Variants in DKK2 observed in about 807,000 individuals in gnomAD.
DKK2 encodes dickkopf Wnt signaling pathway inhibitor 2.
In DKK2, 11 loss-of-function variants were observed where a neutral mutation model predicts 28.1. That is an observed-to-expected ratio of 0.39 (90% CI 0.25 to 0.65). DKK2 has a LOEUF of 0.65. Among genes scored for constraint, DKK2 ranks in the 30% least tolerant of loss-of-function variants. The pLI is 0.47. For missense variants in DKK2, 326 were observed against 335.5 expected (o/e 0.97, Z 0.22); for synonymous variants, 135 against 126.5 (o/e 1.07, Z -0.45).
At chr4:106,978,785 T>C (rs1477193749) in intron 1 of DKK2, among the ~76,000 whole-genome samples, 1 of 147,624 alleles carries the variant, frequency 6.8e-6, no homozygotes, top group East Asian at 2.1e-4. Context: ...GCCACTGGGG[T>C]ATGATAAAAA....
intron 1 of DKK2, among the ~76,000 whole-genome samples, chr4:106,973,891 C>A (rs1331721182): frequency 2.6e-5 from 4 of 152,140 alleles, no homozygotes; most frequent in Non-Finnish European, 4.4e-5. Context: ...ACTCTTTAAT[C>A]CATCTTGAGT....
intron 1 of DKK2, among the ~76,000 whole-genome samples, chr4:107,026,504 C>T (rs1406403136): frequency 6.6e-6 from 1 of 151,940 alleles, no homozygotes; most frequent in Non-Finnish European, 1.5e-5. Flanking sequence ...TTTAACAAGT[C>T]TATCACAGAG....
At chr4:106,942,571 G>A (rs1724716180) in intron 1 of DKK2, among the ~76,000 whole-genome samples, 1 of 152,054 alleles carries the variant, frequency 6.6e-6, no homozygotes, top group Non-Finnish European at 1.5e-5. Context: ...AGTGAGCTGG[G>A]GAGGGAGAGT....
intron 1 of DKK2, among the ~76,000 whole-genome samples, chr4:106,956,983 A>C (rs1722603753): frequency 6.6e-6 from 1 of 151,830 alleles, no homozygotes; most frequent in African/African-American, 2.4e-5. Flanking sequence ...AAATGGGAGA[A>C]AATTTTCCCA....
intron 1 of DKK2, among the ~76,000 whole-genome samples, chr4:107,025,123 CTG>C (rs1723754537): frequency 6.6e-6 from 1 of 152,128 alleles, no homozygotes; most frequent in African/African-American, 2.4e-5. Context: ...AGAAGGGAAA[CTG>C]AGAGAGGACT....
chr4:106,927,585 C>T (rs748922372), intron 1 of DKK2, among the ~76,000 whole-genome samples: 8 of 152,054 alleles, frequency 5.3e-5, no homozygotes, highest in Non-Finnish European at 1.0e-4. Flanking sequence ...TTTCATTGTT[C>T]CACTCTGTAA....
rs1191811951 is a variant in DKK2 at position 106,981,148 on chromosome 4, A to G, written c.222+54222T>C. On this transcript the variant is annotated intron_variant, in intron 1 of 3. Coordinates refer to ENST00000285311, the MANE Select transcript of DKK2 (RefSeq NM_014421.3). Reference sequence around the variant, plus strand: ...ATTAAATCATTAGAGGTCAACCTATATGGGGGAGAAAAAGGGACTCAGAGT... The same window carrying G: ...ATTAAATCATTAGAGGTCAACCTATGTGGGGGAGAAAAAGGGACTCAGAGT... Among the ~76,000 whole-genome samples the G allele has an allele frequency of 4.6e-5, 7 of 152,098 alleles. No homozygotes were observed. The East Asian group carries it at 1.3e-3, about 29-fold the overall frequency.
At chr4:106,963,386 A>G (rs1722721986) in intron 1 of DKK2, among the ~76,000 whole-genome samples, 1 of 152,058 alleles carries the variant, frequency 6.6e-6, no homozygotes, top group Admixed American at 6.6e-5. Flanking sequence ...CTTAATACAC[A>G]TTTCTCAAAA....
intron 1 of DKK2, among the ~76,000 whole-genome samples, chr4:106,962,825 TAGAATAGGATAAAATATTAGC>T (rs1330658795): frequency 1.3e-5 from 2 of 151,734 alleles, no homozygotes. Flanking sequence ...AGATAACACG[TAGAATAGGATAAAATATTAGC>T]AAACTGCACC....
At chr4:107,024,451 A>G (rs1047022760) in intron 1 of DKK2, among the ~76,000 whole-genome samples, 1 of 152,184 alleles carries the variant, frequency 6.6e-6, no homozygotes, top group Non-Finnish European at 1.5e-5. Flanking sequence ...AAACAAATAG[A>G]CAAAAGGAAA....
At chr4:107,033,729 G>A (rs1355375653) in intron 1 of DKK2, among the ~76,000 whole-genome samples, 1 of 152,106 alleles carries the variant, frequency 6.6e-6, no homozygotes, top group Non-Finnish European at 1.5e-5. Context: ...CTGGGAACAT[G>A]AAATTTGAAG....
chr4:106,951,931 T>G (rs909183600), intron 1 of DKK2, among the ~76,000 whole-genome samples: 44 of 152,320 alleles, frequency 2.9e-4, no homozygotes, highest in African/African-American at 1.0e-3. Context: ...GTCAATTTGC[T>G]TATTTTGTTA....
intron 1 of DKK2, among the ~76,000 whole-genome samples, chr4:106,940,888 C>T (rs1200482203): frequency 6.6e-6 from 1 of 151,896 alleles, no homozygotes; most frequent in Non-Finnish European, 1.5e-5. Flanking sequence ...TATTCTCACT[C>T]ATAGGTGGGA....
At chr4:106,950,367 T>C (rs1293751695) in intron 1 of DKK2, among the ~76,000 whole-genome samples, 1 of 152,138 alleles carries the variant, frequency 6.6e-6, no homozygotes, top group East Asian at 1.9e-4. Flanking sequence ...AATGTGTGCA[T>C]TGCTGCCACT....
intron 2 of DKK2, among the ~76,000 whole-genome samples, chr4:106,924,909 C>G (rs1724404662): frequency 6.6e-6 from 1 of 152,096 alleles, no homozygotes; most frequent in Admixed American, 6.6e-5. Flanking sequence ...TTGTCTCTCT[C>G]AAGACCAAGT....
At chr4:106,970,103 T>G (rs1380541811) in intron 1 of DKK2, among the ~76,000 whole-genome samples, 1 of 152,170 alleles carries the variant, frequency 6.6e-6, no homozygotes, top group African/African-American at 2.4e-5. Flanking sequence ...TTCTACCACT[T>G]ATGAGATGCG....
At position 106,940,515 on chromosome 4, in the gene DKK2, C is replaced by A. The variant is rs846232; in HGVS notation, c.223-14566G>T. 6.5e-4 allele frequency among the ~76,000 whole-genome samples: 97 copies of A among 148,670 alleles called. 2 individuals are homozygous for A. In the East Asian group the frequency reaches 0.018, roughly 28 times the overall value. ...AACACTTTTACACTGTTAGTGGGAC[C>A]GTAAACTAGTTCAACCATTGTGGAA... On this transcript the variant is annotated intron_variant, in intron 1 of 3. Transcript: ENST00000285311.
At chr4:106,934,809 C>T (rs1019939789) in intron 1 of DKK2, among the ~76,000 whole-genome samples, 7 of 152,074 alleles carry the variant, frequency 4.6e-5, no homozygotes, top group South Asian at 2.1e-4. Context: ...ATATAATCCT[C>T]GATATTCATT....
intron 1 of DKK2, among the ~76,000 whole-genome samples, chr4:106,966,148 G>A (rs1020502126): frequency 1.3e-5 from 2 of 152,132 alleles, no homozygotes; most frequent in Non-Finnish European, 2.9e-5. Context: ...TTAGGAAAGT[G>A]GTTGCAAATT....
Sources: gnomAD v4.1 joint callset for allele counts (sites outside exome capture counted in the v4.1 genomes callset) on GRCh38, gnomAD v4.1.1 for gene constraint, MANE v1.5 for transcripts, NCBI Gene and HGNC (gene_info 2026-07-23, HGNC 2026-07-21) for gene names.